ST7L: variants seen among roughly 807,000 people sequenced by gnomAD.
ST7L encodes the protein suppression of tumorigenicity 7 like.
ST7L carries 57 observed loss-of-function variants against 72.5 expected under a neutral mutation model. The ratio of observed to expected loss-of-function variants is 0.79; its 90% CI spans 0.64 to 0.98. The LOEUF (loss-of-function observed/expected upper bound fraction) is 0.98. ST7L is among the 50% of genes least tolerant of loss of function. ST7L has a pLI of 0.00. For synonymous variants in ST7L, 221 were observed against 240.9 expected, an observed-to-expected ratio of 0.92 and a Z score of 0.77; for missense variants, 576 against 672.2, an observed-to-expected ratio of 0.86 and a Z score of 1.58.
intron 5 of ST7L, among the ~76,000 whole-genome samples, chr1:112,594,737 G>T (rs1203636574): frequency 6.6e-6 from 1 of 152,178 alleles, no homozygotes; most frequent in Non-Finnish European, 1.5e-5. Flanking sequence ...AGACTGCTCT[G>T]TCAGAAAGTA....
chr1:112,618,694 C>T (rs1169191636), intron 1 of ST7L: 5 of 1,009,564 alleles, frequency 5.0e-6, no homozygotes, highest in Admixed American at 3.0e-5. Flanking sequence ...AGAGAGAGGG[C>T]GGACCTTAAG....
At chr1:112,534,992 G>C (rs1247224897) in intron 14 of ST7L, among the ~76,000 whole-genome samples, 1 of 152,132 alleles carries the variant, frequency 6.6e-6, no homozygotes, top group East Asian at 1.9e-4. Context: ...ATACTTGACA[G>C]GCACATGTTA....
rs560459079 is a variant in ST7L, at chr1:112,579,486, G to C, written c.1070-1069C>G. Among the ~76,000 whole-genome samples, 7 of 148,886 alleles carry C rather than the reference G, an allele frequency of 4.7e-5. No homozygotes were observed. The South Asian group carries it at 1.5e-3, about 32-fold the overall frequency. On this transcript the variant is annotated intron_variant, in intron 9 of 14. Coordinates refer to ENST00000358039, the MANE Select transcript of ST7L (RefSeq NM_017744.5). ...TATGTAAAACCTTCACCTATTCATA[G>C]AGAAAAACTAATATTAGAAAAAAAT...
intron 11 of ST7L, among the ~76,000 whole-genome samples, chr1:112,576,097 A>G (rs183406681): frequency 8.7e-5 from 13 of 149,482 alleles, no homozygotes; most frequent in Admixed American, 6.0e-4. Flanking sequence ...TAGAACCCCA[A>G]TTTTTTTTTT....
At chr1:112,545,893 T>A (rs1022325300) in intron 13 of ST7L, among the ~76,000 whole-genome samples, 5 of 152,224 alleles carry the variant, frequency 3.3e-5, no homozygotes, top group Non-Finnish European at 7.3e-5. Flanking sequence ...AATTCTGTTT[T>A]TTGAGATGTA....
chr1:112,591,536 T>C lies in ST7L; in HGVS notation c.690A>G (p.Glu230=), dbSNP rs1665722251. 6.2e-7 allele frequency: 1 copy of C among 1,610,648 alleles called. No homozygotes were observed. Among genetic ancestry groups the C allele is most frequent in the Non-Finnish European group, 8.5e-7 (1 of 1,179,408 alleles). Residue 230 remains glutamate, a synonymous_variant, in exon 6 of 15, where the codon GAA becomes GAG. Coordinates refer to ENST00000358039, the MANE Select transcript of ST7L (RefSeq NM_017744.5). ...ARIKAAYQAL[E]LNNDCATAYV... The stretch of plus-strand genomic sequence containing the variant: ...TATTTCAAACTTACTCATTGTTTAA[T>C]TCTAAAGCTTGATAGGCTGCTTTGA...
At chr1:112,591,046 T>C (rs576461799) in intron 6 of ST7L, among the ~76,000 whole-genome samples, 2 of 150,114 alleles carry the variant, frequency 1.3e-5, no homozygotes, top group East Asian at 4.0e-4. Flanking sequence ...TTCTCCTGCC[T>C]CAGCCTCCTG....
At chr1:112,570,725 G>A (rs1403353121) in intron 11 of ST7L, 1 of 454,908 alleles carries the variant, frequency 2.2e-6, no homozygotes, top group Non-Finnish European at 4.4e-6. Context: ...AGGAGAAAAA[G>A]AGGGTCTGTA....
At chr1:112,613,342 T>C (rs1669364402) in intron 2 of ST7L, among the ~76,000 whole-genome samples, 1 of 152,198 alleles carries the variant, frequency 6.6e-6, no homozygotes, top group South Asian at 2.1e-4. Flanking sequence ...TTGACATGCA[T>C]TATGTCATTT....
At chr1:112,550,777 C>A (rs988174359) in intron 12 of ST7L, 84 bp from the exon 13 acceptor site, 6 of 1,106,406 alleles carry the variant, frequency 5.4e-6, no homozygotes, top group Non-Finnish European at 5.3e-6. Context: ...ATAGAAATTT[C>A]ACATACTATT....
At chr1:112,567,118 T>C (rs1418968197) in intron 11 of ST7L, among the ~76,000 whole-genome samples, 1 of 152,260 alleles carries the variant, frequency 6.6e-6, no homozygotes, top group Non-Finnish European at 1.5e-5. Flanking sequence ...TGACATTTTA[T>C]CAGTCTTTTA....
intron 4 of ST7L, among the ~76,000 whole-genome samples, chr1:112,599,727 TC>T (rs1667108782): frequency 6.6e-6 from 1 of 152,228 alleles, no homozygotes; most frequent in Non-Finnish European, 1.5e-5. Flanking sequence ...GGTAATTTTT[TC>T]TTAATGTCAC....
intron 14 of ST7L, among the ~76,000 whole-genome samples, chr1:112,535,528 G>A (rs532809308): frequency 1.3e-5 from 2 of 152,014 alleles, no homozygotes; most frequent in South Asian, 2.1e-4. Flanking sequence ...TCAGGAGTTG[G>A]AGACCAGCCT....
chr1:112,542,826 G>T (rs1265404032), intron 13 of ST7L, among the ~76,000 whole-genome samples: 1 of 151,588 alleles, frequency 6.6e-6, no homozygotes, highest in Non-Finnish European at 1.5e-5. Flanking sequence ...AAGAAGAAGA[G>T]TCTCGCTCTG....
intron 14 of ST7L, chr1:112,528,589 AT>A (rs1234150461): frequency 6.6e-6 from 1 of 152,246 alleles, no homozygotes; most frequent in Non-Finnish European, 1.5e-5. Context: ...AGTAAGAGAT[AT>A]CAAATATCCT....
intron 3 of ST7L, among the ~76,000 whole-genome samples, chr1:112,604,667 T>G (rs983935873): frequency 2.6e-5 from 4 of 151,070 alleles, no homozygotes; most frequent in Non-Finnish European, 4.4e-5. Flanking sequence ...ATGGCATTCC[T>G]GTACATGCCT....
At chr1:112,521,443 G>A (rs1370190319), downstream of ST7L, 1 of 151,930 alleles carries the variant, frequency 6.6e-6, no homozygotes, top group East Asian at 1.9e-4. Context: ...CAGGTAAGCA[G>A]GTCTGATCTC....
At chr1:112,538,804 G>A (rs1655621237) in intron 14 of ST7L, among the ~76,000 whole-genome samples, 1 of 152,168 alleles carries the variant, frequency 6.6e-6, no homozygotes. Flanking sequence ...TGACAATAAA[G>A]GTAGCAACAA....
At chr1:112,541,255 G>C (rs963146975) in intron 14 of ST7L, among the ~76,000 whole-genome samples, 2 of 151,560 alleles carry the variant, frequency 1.3e-5, no homozygotes, top group Admixed American at 1.3e-4. Context: ...CTGCACTCCA[G>C]CCTGGGTCAC....
Sources: allele counts gnomAD v4.1 joint callset (sites outside exome capture counted in the v4.1 genomes callset), GRCh38; gene constraint gnomAD v4.1.1; transcripts MANE v1.5; gene names NCBI Gene and HGNC (gene_info 2026-07-23, HGNC 2026-07-21).